Variants in GRIN2B observed in about 807,000 individuals in gnomAD.
GRIN2B encodes glutamate receptor ionotropic, NMDA 2B.
A neutral mutation model predicts 114.5 loss-of-function variants in GRIN2B; 5 were observed. The observed-to-expected ratio is 0.04, with a 90% confidence interval of 0.02 to 0.09. GRIN2B has a LOEUF of 0.09. Ranked by LOEUF, GRIN2B falls within the 10% of genes least tolerant of loss-of-function variation. GRIN2B has a pLI of 1.00. For synonymous variants in GRIN2B, 787 were observed against 745.1 expected (o/e 1.06, Z -0.92); for missense variants, 1,108 against 1,943.5 (o/e 0.57, Z 8.08).
chr12:13,965,807 T>C (rs772650978), intron 2 of GRIN2B, among the ~76,000 whole-genome samples: 90 of 152,326 alleles, frequency 5.9e-4, no homozygotes, highest in Middle Eastern at 3.4e-3. Flanking sequence ...ATGGTAATAA[T>C]TGCATCGCTC....
intron 4 of GRIN2B, among the ~76,000 whole-genome samples, chr12:13,720,318 TC>T (rs1950496166): frequency 1.3e-5 from 2 of 151,994 alleles, no homozygotes; most frequent in African/African-American, 2.4e-5. Flanking sequence ...TAGCATTGTG[TC>T]AGACTGTCTA....
intron 3 of GRIN2B, among the ~76,000 whole-genome samples, chr12:13,778,114 A>G (rs1591725263): frequency 1.3e-5 from 2 of 152,164 alleles, no homozygotes; most frequent in Non-Finnish European, 2.9e-5. Context: ...CCCTATCTCC[A>G]TGGTTGTTCC....
chr12:13,692,556 A>G (rs866662124), intron 4 of GRIN2B, among the ~76,000 whole-genome samples: 1 of 151,766 alleles, frequency 6.6e-6, no homozygotes, highest in Non-Finnish European at 1.5e-5. Flanking sequence ...AAAGCTGTGC[A>G]CGTTAGGTGA....
chr12:13,917,453 G>A (rs1183006698), intron 2 of GRIN2B, among the ~76,000 whole-genome samples: 2 of 152,138 alleles, frequency 1.3e-5, no homozygotes, highest in African/African-American at 4.8e-5. Flanking sequence ...TTAAATAAGA[G>A]GCACTAAATG....
At chr12:13,769,030 T>C (rs950371606) in intron 3 of GRIN2B, among the ~76,000 whole-genome samples, 3 of 152,028 alleles carry the variant, frequency 2.0e-5, no homozygotes, top group African/African-American at 7.3e-5. Flanking sequence ...TAAGACTCTG[T>C]CTCAAAAAAT....
chr12:13,942,047 C>G (rs752861824), intron 2 of GRIN2B, among the ~76,000 whole-genome samples: 2 of 152,166 alleles, frequency 1.3e-5, no homozygotes, highest in Non-Finnish European at 2.9e-5. Context: ...CTTTTACAAG[C>G]CTTTGAAAAA....
chr12:13,879,590 C>G (rs897349050), intron 2 of GRIN2B, among the ~76,000 whole-genome samples: 7 of 151,838 alleles, frequency 4.6e-5, no homozygotes, highest in Admixed American at 1.3e-4. Context: ...GCAATTTGGT[C>G]ACCCTTCACA....
At chr12:13,604,333 T>C (rs1949207885) in intron 10 of GRIN2B, among the ~76,000 whole-genome samples, 1 of 152,210 alleles carries the variant, frequency 6.6e-6, no homozygotes, top group South Asian at 2.1e-4. Context: ...TTCATGGAAA[T>C]TTAACTCTCG....
chr12:13,726,254 G>A (rs1265082708), intron 4 of GRIN2B, among the ~76,000 whole-genome samples: 2 of 151,790 alleles, frequency 1.3e-5, no homozygotes, highest in Admixed American at 6.6e-5. Flanking sequence ...AAAAAAAATT[G>A]TCGGGCACAT....
intron 2 of GRIN2B, among the ~76,000 whole-genome samples, chr12:13,974,417 C>T (rs1218654142): frequency 6.6e-6 from 1 of 152,206 alleles, no homozygotes; most frequent in Non-Finnish European, 1.5e-5. Flanking sequence ...TATTCTCTAA[C>T]CTTGTCATTT....
At chr12:13,601,327 C>T (rs1949156601) in intron 10 of GRIN2B, among the ~76,000 whole-genome samples, 1 of 152,160 alleles carries the variant, frequency 6.6e-6, no homozygotes, top group Non-Finnish European at 1.5e-5. Context: ...CCATGTCTTC[C>T]TGTGGCTGCA....
intron 5 of GRIN2B, among the ~76,000 whole-genome samples, chr12:13,628,960 T>A (rs1219541009): frequency 2.0e-5 from 3 of 151,982 alleles, no homozygotes; most frequent in African/African-American, 7.3e-5. Flanking sequence ...ACTGAGGCAA[T>A]GAGGGAGCAC....
intron 9 of GRIN2B, among the ~76,000 whole-genome samples, chr12:13,610,405 C>G (rs1339743061): frequency 6.6e-6 from 1 of 152,160 alleles, no homozygotes; most frequent in Admixed American, 6.5e-5. Flanking sequence ...GCAATGCACA[C>G]TGACTTTAGC....
chr12:13,797,744 AT>A (rs1864441765), intron 3 of GRIN2B, among the ~76,000 whole-genome samples: 1 of 152,208 alleles, frequency 6.6e-6, no homozygotes, highest in South Asian at 2.1e-4. Context: ...TTAAAACTCT[AT>A]AAACAGACTT....
chr12:13,849,802 C>T (rs1292699547), intron 3 of GRIN2B, among the ~76,000 whole-genome samples: 2 of 152,186 alleles, frequency 1.3e-5, no homozygotes, highest in Non-Finnish European at 2.9e-5. Flanking sequence ...CTCGTGTGCT[C>T]TGTGTTGTCC....
At chr12:13,897,512 T>G (rs1866372999) in intron 2 of GRIN2B, among the ~76,000 whole-genome samples, 2 of 152,154 alleles carry the variant, frequency 1.3e-5, no homozygotes, top group South Asian at 2.1e-4. Flanking sequence ...AAGAAAGGTC[T>G]CCTAAGCCTT....
intron 5 of GRIN2B, among the ~76,000 whole-genome samples, chr12:13,669,834 A>G (rs896861935): frequency 6.6e-6 from 1 of 152,136 alleles, no homozygotes; most frequent in Non-Finnish European, 1.5e-5. Flanking sequence ...CTATTGTATA[A>G]ACACTGATTT....
At chr12:13,610,007 C>T (rs1949345950) in intron 9 of GRIN2B, 1 of 152,186 alleles carries the variant, frequency 6.6e-6, no homozygotes, top group Admixed American at 6.5e-5. Context: ...TGTAGCCCCT[C>T]CACTGCAGAA....
At chr12:13,686,782 T>G (rs758087305) in intron 4 of GRIN2B, among the ~76,000 whole-genome samples, 11 of 152,206 alleles carry the variant, frequency 7.2e-5, no homozygotes, top group Admixed American at 3.3e-4. Context: ...TCAAACAAGG[T>G]TGATATGATT....
Sources: allele counts gnomAD v4.1 joint callset (sites outside exome capture counted in the v4.1 genomes callset), GRCh38; gene constraint gnomAD v4.1.1; transcripts MANE v1.5; gene names NCBI Gene and HGNC (gene_info 2026-07-23, HGNC 2026-07-21).